SPMIP2: variants seen among roughly 807,000 people sequenced by gnomAD.
SPMIP2 encodes the protein protein SPMIP2.
chr4:158,936,448 C>T, the SPMIP2 span, among the ~76,000 whole-genome samples: 2 of 152,182 alleles, frequency 1.3e-5, no homozygotes, highest in East Asian at 1.9e-4. Flanking sequence ...ATATCTGTGC[C>T]GTGACTTAAA....
the SPMIP2 span, among the ~76,000 whole-genome samples, chr4:159,051,938 C>T: frequency 6.6e-6 from 1 of 152,142 alleles, no homozygotes; most frequent in South Asian, 2.1e-4. Context: ...GCATCTCCCC[C>T]TCCTTCCTTG....
the SPMIP2 span, among the ~76,000 whole-genome samples, chr4:159,015,857 G>T: frequency 1.3e-5 from 2 of 152,230 alleles, no homozygotes; most frequent in Non-Finnish European, 2.9e-5. Context: ...GTGATATTGT[G>T]TTGATGGATC....
the SPMIP2 span, among the ~76,000 whole-genome samples, chr4:159,014,655 TTTTATGCTTTTTCTCCATA>T: frequency 6.6e-6 from 1 of 152,178 alleles, no homozygotes. Context: ...AAAGTCTGCA[TTTTATGCTTTTTCTCCATA>T]TTGGCTTTTC....
At chr4:158,948,001 G>C in the SPMIP2 span, among the ~76,000 whole-genome samples, 3 of 151,982 alleles carry the variant, frequency 2.0e-5, no homozygotes, top group Non-Finnish European at 4.4e-5. Context: ...TTCTCTCCCT[G>C]CTCCAATGTT....
chr4:158,935,726 G>A, the SPMIP2 span, among the ~76,000 whole-genome samples: 1 of 152,184 alleles, frequency 6.6e-6, no homozygotes, highest in Non-Finnish European at 1.5e-5. Context: ...CGGCCTGAAC[G>A]TCTGGGAAAT....
the SPMIP2 span, among the ~76,000 whole-genome samples, chr4:159,061,096 T>A: frequency 6.3e-3 from 754 of 119,610 alleles, 8 homozygotes; most frequent in African/African-American, 0.026. Context: ...AAAAAAAAAA[T>A]ATATATATAT....
the SPMIP2 span, among the ~76,000 whole-genome samples, chr4:159,081,286 G>A: frequency 1.2e-4 from 18 of 152,168 alleles, no homozygotes; most frequent in African/African-American, 3.4e-4. Flanking sequence ...TGCTTCAACC[G>A]CCTCAGCCAC....
chr4:158,960,297 A>G, the SPMIP2 span: 11 of 1,555,470 alleles, frequency 7.1e-6, no homozygotes, highest in Non-Finnish European at 9.7e-6. Flanking sequence ...ATGGGTTTTG[A>G]TATCTGTGGG....
At chr4:158,909,862 G>A in the SPMIP2 span, among the ~76,000 whole-genome samples, 2 of 152,114 alleles carry the variant, frequency 1.3e-5, no homozygotes, top group South Asian at 4.1e-4. Context: ...CTAACACGGT[G>A]AAACCCTGCC....
chr4:158,939,628 TCTCTC>T, the SPMIP2 span, among the ~76,000 whole-genome samples: 1 of 151,934 alleles, frequency 6.6e-6, no homozygotes, highest in South Asian at 2.1e-4. Context: ...TCATAGGTTC[TCTCTC>T]ATCTCTTTGC....
At chr4:158,960,141 GAAAT>G in the SPMIP2 span, 2 of 563,654 alleles carry the variant, frequency 3.5e-6, no homozygotes, top group East Asian at 6.6e-5. Context: ...GTGTTTATTA[GAAAT>G]AAAAATTCGT....
At chr4:159,000,564 C>T in the SPMIP2 span, among the ~76,000 whole-genome samples, 8 of 150,364 alleles carry the variant, frequency 5.3e-5, no homozygotes, top group East Asian at 2.0e-4. Context: ...GTGCAATCTC[C>T]GCTCACTGCA....
the SPMIP2 span, among the ~76,000 whole-genome samples, chr4:159,021,439 G>C: frequency 6.6e-6 from 1 of 152,202 alleles, no homozygotes; most frequent in Non-Finnish European, 1.5e-5. Context: ...ATGCCTCAGA[G>C]TGCTCCTGGG....
At chr4:159,012,640 C>T in the SPMIP2 span, among the ~76,000 whole-genome samples, 5 of 152,116 alleles carry the variant, frequency 3.3e-5, no homozygotes, top group South Asian at 2.1e-4. Context: ...GGTGCCATCA[C>T]GACTCACTGC....
At chr4:158,937,994 C>A in the SPMIP2 span, among the ~76,000 whole-genome samples, 1 of 152,192 alleles carries the variant, frequency 6.6e-6, no homozygotes, top group African/African-American at 2.4e-5. Context: ...TGTTTATGAT[C>A]TGTTTTACAT....
the SPMIP2 span, among the ~76,000 whole-genome samples, chr4:159,031,916 A>G: frequency 2.6e-4 from 40 of 152,338 alleles, no homozygotes; most frequent in South Asian, 8.1e-3. Context: ...AGTAATAAAA[A>G]TGATTTTAAA....
chr4:158,901,832 C>T, the SPMIP2 span, among the ~76,000 whole-genome samples: 6 of 151,650 alleles, frequency 4.0e-5, no homozygotes, highest in African/African-American at 1.5e-4. Flanking sequence ...TTTTTCAGCT[C>T]CATCAGGTCA....
At chr4:159,078,405 T>C in the SPMIP2 span, among the ~76,000 whole-genome samples, 1 of 152,030 alleles carries the variant, frequency 6.6e-6, no homozygotes, top group African/African-American at 2.4e-5. Flanking sequence ...AAGATGAGAG[T>C]GCGGAGTTCC....
At chr4:159,002,758 A>C in the SPMIP2 span, among the ~76,000 whole-genome samples, 1 of 141,612 alleles carries the variant, frequency 7.1e-6, no homozygotes, top group Non-Finnish European at 1.5e-5. Context: ...TTAATGATAC[A>C]TATCACTGCA....
Sources: allele counts gnomAD v4.1 joint callset (sites outside exome capture counted in the v4.1 genomes callset), GRCh38; gene constraint gnomAD v4.1.1; transcripts MANE v1.5; gene names NCBI Gene and HGNC (gene_info 2026-07-23, HGNC 2026-07-21).